PAGR1: variants seen among roughly 807,000 people sequenced by gnomAD.
The protein encoded by PAGR1 is PAXIP1 associated glutamate rich protein 1.
Under a neutral mutation model 22.4 loss-of-function variants are expected in PAGR1, and 20 were observed. The observed-to-expected ratio is 0.89, with a 90% CI of 0.63 to 1.30. The LOEUF is 1.30. Among genes scored for constraint, PAGR1 ranks in the 50% most tolerant of loss-of-function variants. PAGR1 has a pLI of 0.00. For synonymous variants in PAGR1, 161 were observed against 148.3 expected (o/e 1.09, Z -0.62); for missense variants, 338 against 343.6 (o/e 0.98, Z 0.13).
rs577475682 is a variant in PAGR1 at position 29,816,305 on chromosome 16, G to C, written c.-221G>C. ...CCTCTTTCGGAAAGTGGTTTCTGCG[G>C]GGCCCGGGAGCCTCGGAGTACCGAA... On this transcript the variant is annotated 5_prime_UTR_variant, in exon 1 of 3. Transcript: ENST00000320330. 7.1e-6 allele frequency: 3 copies of C among 421,506 alleles called. No homozygotes were observed. In the South Asian group the frequency reaches 3.0e-4, roughly 42 times the overall value. The allele number at this position is 421,506 out of a possible 1,614,324, so 26.1% of individuals were successfully genotyped here. A position where few individuals can be genotyped will look rare whatever the true frequency, so the allele number is the denominator to read the frequency against.
intron 2 of PAGR1, among the ~76,000 whole-genome samples, 176 bp downstream of exon 2, chr16:29,817,468 CTTTTTTTTTTT>C (rs753890811): frequency 1.6e-5 from 2 of 122,572 alleles, no homozygotes; most frequent in Non-Finnish European, 1.6e-5. Flanking sequence ...CCTTGTCTTC[CTTTTTTTTTTT>C]TTTTTTTTTT....
chr16:29,820,031 T>C lies in PAGR1; in HGVS notation c.*277T>C, dbSNP rs989757815. On this transcript the variant is annotated 3_prime_UTR_variant, in exon 3 of 3. Coordinates refer to ENST00000320330, the MANE Select transcript of PAGR1 (RefSeq NM_024516.4). ...TCTATATAGAGAGAGTGTGTGAGTGTGTGTTTTCTATTGAACACCTATTCA... is the reference window on the plus strand; with the variant it reads ...TCTATATAGAGAGAGTGTGTGAGTGCGTGTTTTCTATTGAACACCTATTCA... 1.0e-5 allele frequency: 4 copies of C among 386,588 alleles called. No individual in the cohort carries two copies. In the Admixed American group the frequency reaches 1.7e-4, roughly 17 times the overall value. The allele number at this position is 386,588 out of a possible 1,614,324, so 23.9% of individuals were successfully genotyped here. A position where few individuals can be genotyped will look rare whatever the true frequency, so the allele number is the denominator to read the frequency against.
intron 2 of PAGR1, chr16:29,818,439 A>G (rs936400209): frequency 2.6e-5 from 4 of 152,184 alleles, no homozygotes; most frequent in African/African-American, 9.7e-5. Context: ...GCTAGTCTCC[A>G]CTTTCAATAC....
At chr16:29,818,982 C>CT (rs926194798) in intron 2 of PAGR1, among the ~76,000 whole-genome samples, 3 of 151,898 alleles carry the variant, frequency 2.0e-5, no homozygotes, top group Admixed American at 6.6e-5. Context: ...TCTCTGCACT[C>CT]TTTTTTTTGT....
Position 29,816,872 on chromosome 16 carries a change from A to G in PAGR1, c.347A>G (p.Tyr116Cys), listed in dbSNP as rs747798431. ...CCGCCCTCCGAAATCCAGCGGCTCT[A>G]TGAACTGCTGGCTGCCCACGGTACT... ...MPPPSEIQRL[Y>C]ELLAAHGTLE... The change falls in exon 1 of 3, where the codon TAT becomes TGT. Residue 116 changes from tyrosine (Y) to cysteine (C), a missense_variant. Physicochemically the swap from Tyr to Cys is radical, Grantham distance 194 (BLOSUM62 -2). Coordinates refer to ENST00000320330, the MANE Select transcript of PAGR1 (RefSeq NM_024516.4). The G allele has an allele frequency of 4.2e-5, 66 of 1,564,398 alleles. No individual in the cohort carries two copies. Among genetic ancestry groups the G allele is most frequent in the Non-Finnish European group, 5.5e-5 (64 of 1,156,256 alleles).
chr16:29,819,057 G>GA (rs1305435164), intron 2 of PAGR1, among the ~76,000 whole-genome samples: 11 of 151,460 alleles, frequency 7.3e-5, no homozygotes, highest in African/African-American at 2.7e-4. Context: ...GTGCAGTAGT[G>GA]CGATCTTGGC....
Position 29,817,194 on chromosome 16 carries a change from TG to T in PAGR1, c.483-15del, listed in dbSNP as rs772306655. The stretch of plus-strand genomic sequence containing the variant: ...GGAGGACCGCCCTCACCCTTAACTA[TG>T]TTCACCTGTCCCAGACCACACATGC... On this transcript the variant is annotated splice_polypyrimidine_tract_variant and intron_variant, in intron 1 of 2. Coordinates refer to ENST00000320330, the MANE Select transcript of PAGR1 (RefSeq NM_024516.4). 1.2e-6 allele frequency: 2 copies of T among 1,614,060 alleles called. No individual in the cohort carries two copies. The highest frequency in any genetic ancestry group is 1.7e-6 in the Non-Finnish European group (2 of 1,179,964).
chr16:29,817,106 G>C (rs1454984651), intron 1 of PAGR1, 99 bp downstream of exon 1: 1 of 1,582,640 alleles, frequency 6.3e-7, no homozygotes, highest in Non-Finnish European at 8.6e-7. Flanking sequence ...TTTGAAAGTG[G>C]AGGGAGGGAA....
intron 2 of PAGR1, 150 bp downstream of exon 2, chr16:29,817,442 A>G (rs1900273680): frequency 2.1e-6 from 1 of 487,204 alleles, no homozygotes; most frequent in African/African-American, 2.1e-5. Flanking sequence ...CACCATCTTT[A>G]TGACTTAGAT....
At chr16:29,819,533 A>G (rs771051163) in intron 2 of PAGR1, 22 bp from the exon 3 acceptor site, 5 of 1,613,416 alleles carry the variant, frequency 3.1e-6, no homozygotes, top group Non-Finnish European at 4.2e-6. Flanking sequence ...CCTTCCATGT[A>G]TCTTACCTTC....
In PAGR1 at chr16:29,819,789, G is replaced by C. The variant is rs546095977; in HGVS notation, c.*35G>C. On this transcript the variant is annotated 3_prime_UTR_variant, in exon 3 of 3. Coordinates refer to ENST00000320330, the MANE Select transcript of PAGR1 (RefSeq NM_024516.4). Reference sequence around the variant, plus strand: ...CTCCTGCCTCTAGGGTGCAGTGTCCGTACCTGCTGGAGCCTGGGCCCTCCT... The same window carrying C: ...CTCCTGCCTCTAGGGTGCAGTGTCCCTACCTGCTGGAGCCTGGGCCCTCCT... 6.3e-7 allele frequency: 1 copy of C among 1,576,936 alleles called. No homozygotes were observed. Among genetic ancestry groups the C allele is most frequent in the Non-Finnish European group, 8.7e-7 (1 of 1,154,942 alleles).
Position 29,816,679 on chromosome 16 carries a change from G to T in PAGR1, c.154G>T (p.Gly52Ter). Residue 52 changes from glycine (G) to a stop codon, truncating the protein, a stop_gained, in exon 1 of 3, where the codon GGA (glycine) becomes TGA (stop). Coordinates refer to ENST00000320330, the MANE Select transcript of PAGR1 (RefSeq NM_024516.4). LOFTEE classifies it high-confidence loss of function. ...SAGKAEDEGE[G>*]GREETEREGS... ...CGGTAAGGCCGAGGACGAGGGGGAAGGAGGCCGAGAGGAGACCGAGCGTGA... is the reference window on the plus strand; with the variant it reads ...CGGTAAGGCCGAGGACGAGGGGGAATGAGGCCGAGAGGAGACCGAGCGTGA... 1 of 1,596,722 alleles carries T rather than the reference G, an allele frequency of 6.3e-7. No individual in the cohort carries two copies. Among genetic ancestry groups the T allele is most frequent in the Non-Finnish European group, 8.6e-7 (1 of 1,169,512 alleles).
At position 29,819,725 on chromosome 16, in the gene PAGR1, A is replaced by T. The variant is rs1010199110; in HGVS notation, c.736A>T (p.Ser246Cys). The T allele has an allele frequency of 1.2e-6, 2 of 1,612,998 alleles. No homozygotes were observed. The highest frequency in any genetic ancestry group is 1.7e-6 in the Non-Finnish European group (2 of 1,179,450). The stretch of plus-strand genomic sequence containing the variant: ...CCCCCCACTCCGATCCTCCGGGAGT[A>T]GTCTCTTCCCTCGGCAGCGGAAATA... ...ASPPLRSSGS[S>C]LFPRQRKY Residue 246 changes from serine to cysteine, a missense_variant, in exon 3 of 3, where the codon AGT becomes TGT. This residue lies in a region of PAGR1 where 52 missense variants were observed against 44.5 expected (regional missense o/e 1.17). Coordinates refer to ENST00000320330, the MANE Select transcript of PAGR1 (RefSeq NM_024516.4).
At chr16:29,817,184 C>T (rs1292702708) in intron 1 of PAGR1, 26 bp from the exon 2 acceptor site, 1 of 1,613,932 alleles carries the variant, frequency 6.2e-7, no homozygotes, top group South Asian at 1.1e-5. Context: ...ACCGCCCTCA[C>T]CCTTAACTAT....
chr16:29,816,613 G>T lies in PAGR1; in HGVS notation c.88G>T (p.Ala30Ser). The change falls in exon 1 of 3, where the codon GCT becomes TCT. Residue 30 changes from alanine to serine, a missense_variant. This residue lies in a region of PAGR1 where 235 missense variants were observed against 216.0 expected (regional missense o/e 1.09). Transcript: ENST00000320330. ...EEGEVTSGLQ[A>S]LAVEDTGGPS... ...AGGGGAAGTGACCTCCGGCCTCCAGGCTCTGGCCGTGGAGGATACCGGAGG... is the reference window on the plus strand; with the variant it reads ...AGGGGAAGTGACCTCCGGCCTCCAGTCTCTGGCCGTGGAGGATACCGGAGG... 2.0e-6 allele frequency: 3 copies of T among 1,522,118 alleles called. No individual in the cohort carries two copies. The highest frequency in any genetic ancestry group is 1.3e-5 in the South Asian group (1 of 77,030). 94.3% of individuals were successfully genotyped at this position (1,522,118 alleles called of 1,614,324 possible).
rs573135579 is a variant in PAGR1, at chr16:29,816,231, G to A, written c.-295G>A. 2.5e-6 allele frequency: 1 copy of A among 402,358 alleles called. No homozygotes were observed. Among genetic ancestry groups the A allele is most frequent in the East Asian group, 3.6e-5 (1 of 28,014 alleles). 24.9% of individuals were successfully genotyped at this position (402,358 alleles called of 1,614,324 possible). A position where few individuals can be genotyped will look rare whatever the true frequency, so the allele number is the denominator to read the frequency against. ...AGGCGCCGTGTCCGGGTGTGGAGAG[G>A]GGCGTCGTGGAAGCGAGAAGAGTGG... On this transcript the variant is annotated 5_prime_UTR_variant, in exon 1 of 3. Transcript: ENST00000320330.
At chr16:29,817,975 G>A (rs1051866538) in intron 2 of PAGR1, 1 of 152,054 alleles carries the variant, frequency 6.6e-6, no homozygotes, top group Non-Finnish European at 1.5e-5. Flanking sequence ...CACAATTACA[G>A]ATAATTCTTT....
Position 29,819,621 on chromosome 16 carries a change from A to T in PAGR1, c.632A>T (p.His211Leu), listed in dbSNP as rs1900319829. ...AAGGTGCTGTCGGACATGAAGAGAC[A>T]CAAGAAGCTGGAGGAGCAGATCCTT... The part of the protein sequence containing the change: ...LDKVLSDMKR[H>L]KKLEEQILRT... Residue 211 changes from histidine to leucine, a missense_variant, in exon 3 of 3, where the codon CAC (histidine) becomes CTC (leucine). This residue lies in a region of PAGR1 where 51 missense variants were observed against 83.1 expected (regional missense o/e 0.61). Coordinates refer to ENST00000320330, the MANE Select transcript of PAGR1 (RefSeq NM_024516.4). The T allele has an allele frequency of 1.2e-6, 2 of 1,614,134 alleles. No homozygotes were observed. The highest frequency in any genetic ancestry group is 1.7e-6 in the Non-Finnish European group (2 of 1,180,032).
chr16:29,822,374 T>C lies in PAGR1; in HGVS notation c.*2620T>C, dbSNP rs1053169161. Among the ~76,000 whole-genome samples, 17 of 151,826 alleles carry C rather than the reference T, an allele frequency of 1.1e-4. No individual in the cohort carries two copies. The highest frequency in any genetic ancestry group is 1.3e-4 in the Non-Finnish European group (9 of 67,956). On this transcript the variant is annotated 3_prime_UTR_variant, in exon 3 of 3. Coordinates refer to ENST00000320330, the MANE Select transcript of PAGR1 (RefSeq NM_024516.4). ...ACATTCTCAATTTCCATTAATCATC[T>C]CCTAAAGGGGGTAAACCAGGAAGCC...
Sources: gnomAD v4.1 joint callset for allele counts (sites outside exome capture counted in the v4.1 genomes callset) on GRCh38, gnomAD v4.1.1 for gene constraint, gnomAD v4.1.1 regional missense constraint, MANE v1.5 for transcripts, NCBI Gene and HGNC (gene_info 2026-07-23, HGNC 2026-07-21) for gene names.